ARB2A: variants seen among roughly 807,000 people sequenced by gnomAD.
ARB2A encodes ARB2 cotranscriptional regulator A, also known as cotranscriptional regulator ARB2A.
the ARB2A span, among the ~76,000 whole-genome samples, chr5:93,895,049 T>C: frequency 1.3e-5 from 2 of 152,156 alleles, no homozygotes; most frequent in Non-Finnish European, 2.9e-5. Context: ...AAATGCGAGA[T>C]TAGACACACA....
the ARB2A span, among the ~76,000 whole-genome samples, chr5:93,916,291 G>T: frequency 1.3e-5 from 2 of 152,062 alleles, no homozygotes; most frequent in East Asian, 3.9e-4. Context: ...AACTAAGTGA[G>T]AAACAGAAAC....
At chr5:93,874,778 C>A in the ARB2A span, among the ~76,000 whole-genome samples, 3 of 152,116 alleles carry the variant, frequency 2.0e-5, no homozygotes, top group South Asian at 6.2e-4. Context: ...AATGTTAGAA[C>A]TGAATTGAAC....
At chr5:93,869,794 A>G in the ARB2A span, among the ~76,000 whole-genome samples, 12 of 152,076 alleles carry the variant, frequency 7.9e-5, no homozygotes, top group Non-Finnish European at 1.5e-4. Flanking sequence ...TTGAGAATGT[A>G]CTTTGTGAGA....
the ARB2A span, among the ~76,000 whole-genome samples, chr5:93,786,752 G>A: frequency 6.6e-6 from 1 of 152,074 alleles, no homozygotes; most frequent in Non-Finnish European, 1.5e-5. Flanking sequence ...GCATTTATTA[G>A]TCTGGGTCAC....
At chr5:93,999,951 T>C in the ARB2A span, among the ~76,000 whole-genome samples, 2 of 152,106 alleles carry the variant, frequency 1.3e-5, no homozygotes, top group Admixed American at 1.3e-4. Flanking sequence ...CTTAGAAATA[T>C]ATGGTTAAGA....
chr5:93,955,334 G>T, the ARB2A span, among the ~76,000 whole-genome samples: 2 of 152,094 alleles, frequency 1.3e-5, no homozygotes, highest in African/African-American at 4.8e-5. Context: ...TTTTATGTGT[G>T]TTTATTGGGA....
the ARB2A span, among the ~76,000 whole-genome samples, chr5:93,808,599 T>C: frequency 6.6e-6 from 1 of 151,980 alleles, no homozygotes; most frequent in African/African-American, 2.4e-5. Context: ...TTAATGTTTG[T>C]ATCTCCATGA....
At chr5:93,797,781 G>A in the ARB2A span, among the ~76,000 whole-genome samples, 1 of 152,246 alleles carries the variant, frequency 6.6e-6, no homozygotes, top group Admixed American at 6.5e-5. Context: ...GTGATTATAA[G>A]TGAAATAGAC....
At chr5:93,742,144 T>A in the ARB2A span, among the ~76,000 whole-genome samples, 1 of 152,178 alleles carries the variant, frequency 6.6e-6, no homozygotes, top group East Asian at 1.9e-4. Flanking sequence ...CTACCTCAGA[T>A]TCTACCCCCG....
chr5:93,740,579 A>G, the ARB2A span: 1 of 1,590,570 alleles, frequency 6.3e-7, no homozygotes, highest in Non-Finnish European at 8.6e-7. Flanking sequence ...CCTCAGCCCT[A>G]AAATCTGAGG....
At chr5:93,634,270 C>T in the ARB2A span, among the ~76,000 whole-genome samples, 15 of 151,532 alleles carry the variant, frequency 9.9e-5, no homozygotes, top group Non-Finnish European at 1.9e-4. Context: ...CGTGGTGGTG[C>T]GGGCCCGTAG....
the ARB2A span, among the ~76,000 whole-genome samples, chr5:93,774,562 T>C: frequency 2.6e-5 from 4 of 152,232 alleles, no homozygotes; most frequent in Non-Finnish European, 4.4e-5. Flanking sequence ...AGTTCTTACA[T>C]TGTAAACAAG....
chr5:94,003,730 C>T, the ARB2A span, among the ~76,000 whole-genome samples: 22 of 151,946 alleles, frequency 1.4e-4, no homozygotes, highest in East Asian at 3.3e-3. Flanking sequence ...AAAGACATAC[C>T]GTGTTCATGG....
chr5:93,829,831 A>T, the ARB2A span, among the ~76,000 whole-genome samples: 2 of 152,200 alleles, frequency 1.3e-5, no homozygotes. Context: ...TTAACATAAA[A>T]ATGAGGATAG....
the ARB2A span, among the ~76,000 whole-genome samples, chr5:93,841,564 T>C: frequency 2.0e-5 from 3 of 152,206 alleles, no homozygotes; most frequent in African/African-American, 7.2e-5. Flanking sequence ...CAATTATTTA[T>C]GTCATTTAAT....
the ARB2A span, among the ~76,000 whole-genome samples, chr5:93,894,901 T>G: frequency 6.6e-6 from 1 of 152,288 alleles, no homozygotes; most frequent in Admixed American, 6.5e-5. Flanking sequence ...AGCACTGCTT[T>G]TCCAATCTGT....
the ARB2A span, among the ~76,000 whole-genome samples, chr5:93,947,564 G>A: frequency 6.6e-6 from 1 of 150,904 alleles, no homozygotes; most frequent in African/African-American, 2.4e-5. Flanking sequence ...TGTGCACAAT[G>A]TGCAGGTTAG....
the ARB2A span, among the ~76,000 whole-genome samples, chr5:93,858,029 C>T: frequency 2.5e-4 from 38 of 152,264 alleles, no homozygotes; most frequent in Middle Eastern, 6.8e-3. Flanking sequence ...TTTATTACTG[C>T]AAAACATCCA....
chr5:93,725,842 A>T, the ARB2A span, among the ~76,000 whole-genome samples: 2 of 152,124 alleles, frequency 1.3e-5, no homozygotes, highest in African/African-American at 4.8e-5. Flanking sequence ...CCGTATGCTT[A>T]CATGTCCTCC....
Sources: allele counts gnomAD v4.1 joint callset (sites outside exome capture counted in the v4.1 genomes callset), GRCh38; gene constraint gnomAD v4.1.1; transcripts MANE v1.5; gene names NCBI Gene and HGNC (gene_info 2026-07-23, HGNC 2026-07-21).